The following DHRSX variants were observed in gnomAD, a reference collection of about 807,000 sequenced individuals.
DHRSX encodes polyprenol dehydrogenase.
In DHRSX, 31 loss-of-function variants were observed where a neutral mutation model predicts 34.0. The observed-to-expected ratio is 0.91, with a 90% confidence interval of 0.69 to 1.23. The LOEUF (loss-of-function observed/expected upper bound fraction) is 1.23, where lower values mean the gene tolerates loss of function less well. Ranked by LOEUF, DHRSX falls within the 50% of genes most tolerant of loss-of-function variation. The pLI, the probability that DHRSX is intolerant of heterozygous loss-of-function variation, is 0.00. For missense variants in DHRSX, 414 were observed against 428.1 expected (o/e 0.97, Z 0.29); for synonymous variants, 201 against 183.8 (o/e 1.09, Z -0.76).
At chrX:2,265,022 T>C (rs1212829423) in intron 5 of DHRSX, among the ~76,000 whole-genome samples, 1 of 150,594 alleles carries the variant, frequency 6.6e-6, no homozygotes, top group African/African-American at 2.4e-5. Context: ...GGGAGCACTG[T>C]CCCCAGAGCA....
intron 1 of DHRSX, among the ~76,000 whole-genome samples, chrX:2,465,667 G>C (rs2044481675): frequency 6.6e-6 from 1 of 151,678 alleles, no homozygotes; most frequent in South Asian, 2.1e-4. Flanking sequence ...GAAAAATCAG[G>C]GTGTAGGGGC....
intron 1 of DHRSX, among the ~76,000 whole-genome samples, chrX:2,467,065 C>G (rs1030608073): frequency 1.4e-3 from 91 of 63,998 alleles, no homozygotes; most frequent in African/African-American, 5.2e-3. Flanking sequence ...AAGTCCATCT[C>G]AAAAAAAAAA....
intron 3 of DHRSX, among the ~76,000 whole-genome samples, chrX:2,406,486 G>A (rs2043557244): frequency 6.6e-6 from 1 of 150,704 alleles, no homozygotes; most frequent in Non-Finnish European, 1.5e-5. Context: ...TGTCACCCAG[G>A]CTGGAGTGCA....
chrX:2,406,084 G>A (rs1316701993), intron 3 of DHRSX, among the ~76,000 whole-genome samples: 2 of 152,096 alleles, frequency 1.3e-5, no homozygotes, highest in Non-Finnish European at 1.5e-5. Flanking sequence ...ACGAGGTCAG[G>A]AGTTCGAGAC....
chrX:2,323,798 G>T (rs955994169), intron 3 of DHRSX, among the ~76,000 whole-genome samples: 1 of 151,044 alleles, frequency 6.6e-6, no homozygotes, highest in African/African-American at 2.4e-5. Context: ...TCACAGTAAT[G>T]AGAGGAATTT....
At position 2,454,117 on chromosome X, in the gene DHRSX, G is replaced by A. The variant is rs2317102; in HGVS notation, c.110-28813C>T. Among the ~76,000 whole-genome samples the A allele has an allele frequency of 8.3e-3, 1,260 of 152,130 alleles. 38 individuals are homozygous for A. Among genetic ancestry groups the A allele is most frequent in the East Asian group, 0.077 (401 of 5,184 alleles). ...AGAAAGCAAAACAAGTCCCAGTTTC[G>A]AGGACAGCTGTGATATATTTAACAG... is the stretch of plus-strand genomic sequence containing the variant. On this transcript the variant is annotated intron_variant, in intron 1 of 6. Transcript: ENST00000334651.
At chrX:2,414,664 C>A (rs756449238) in intron 2 of DHRSX, among the ~76,000 whole-genome samples, 1 of 152,180 alleles carries the variant, frequency 6.6e-6, no homozygotes, top group South Asian at 2.1e-4. Context: ...TAGGTCTCAT[C>A]ATGACCTAAT....
At chrX:2,246,765 A>G (rs1255103199) in intron 5 of DHRSX, among the ~76,000 whole-genome samples, 3 of 151,996 alleles carry the variant, frequency 2.0e-5, no homozygotes, top group Non-Finnish European at 4.4e-5. Context: ...AAAGAAAATA[A>G]AAGAATAGAA....
intron 3 of DHRSX, among the ~76,000 whole-genome samples, chrX:2,404,592 A>G: frequency 6.6e-6 from 1 of 152,192 alleles, no homozygotes; most frequent in East Asian, 1.9e-4. Context: ...CTCTAGCTAT[A>G]CAGCTACAAA....
chrX:2,484,246 G>A (rs1386808975), intron 1 of DHRSX, among the ~76,000 whole-genome samples: 2 of 152,148 alleles, frequency 1.3e-5, no homozygotes, highest in South Asian at 4.1e-4. Context: ...GTGCTGGGAT[G>A]ACAGATGTGA....
At chrX:2,500,788 A>T in intron 1 of DHRSX, 29 bp downstream of exon 1, 1 of 802,896 alleles carries the variant, frequency 1.2e-6, no homozygotes, top group Non-Finnish European at 1.5e-6. Context: ...GGGTCCCCGG[A>T]GCCCTGACCC....
rs12852245 is a variant in DHRSX at position 2,364,292 on chromosome X, C to T, written c.286+44453G>A. Among the ~76,000 whole-genome samples, 694 of 152,158 alleles carry T rather than the reference C, an allele frequency of 4.6e-3. 3 individuals are homozygous for T. Among genetic ancestry groups the T allele is most frequent in the Non-Finnish European group, 7.5e-3 (510 of 67,984 alleles). ...GAGGTATTTTTGGTTGTTATAACTGCGGTGGGGGGTATAGTGGGTACATCC... is the reference window on the plus strand; with the variant it reads ...GAGGTATTTTTGGTTGTTATAACTGTGGTGGGGGGTATAGTGGGTACATCC... On this transcript the variant is annotated intron_variant, in intron 3 of 6. Coordinates refer to ENST00000334651, the MANE Select transcript of DHRSX (RefSeq NM_145177.3).
intron 2 of DHRSX, among the ~76,000 whole-genome samples, chrX:2,411,141 T>A (rs1256200074): frequency 6.6e-6 from 1 of 152,150 alleles, no homozygotes; most frequent in Non-Finnish European, 1.5e-5. Context: ...AGGTAACCTT[T>A]ACACTGGGGA....
chrX:2,248,657 A>AGGAAAG (rs1556433678), intron 5 of DHRSX, among the ~76,000 whole-genome samples: 6 of 145,238 alleles, frequency 4.1e-5, no homozygotes, highest in Non-Finnish European at 9.0e-5. Context: ...AAGAAAGAAA[A>AGGAAAG]GAAAAGGAAA....
At chrX:2,392,844 T>G (rs2043351521) in intron 3 of DHRSX, among the ~76,000 whole-genome samples, 1 of 140,890 alleles carries the variant, frequency 7.1e-6, no homozygotes, top group Admixed American at 7.3e-5. Context: ...ATAGTTATCA[T>G]TATATATTTA....
At chrX:2,246,409 G>T (rs2016283295) in intron 5 of DHRSX, among the ~76,000 whole-genome samples, 1 of 151,998 alleles carries the variant, frequency 6.6e-6, no homozygotes, top group Non-Finnish European at 1.5e-5. Flanking sequence ...AGATCACCAG[G>T]TCATGAGTTT....
rs767925529 is a variant in DHRSX, at chrX:2,489,976, C to T, written c.109+10841G>A. On this transcript the variant is annotated intron_variant, in intron 1 of 6. Coordinates refer to ENST00000334651, the MANE Select transcript of DHRSX (RefSeq NM_145177.3). ...CGATGAAGACCTCATAGAGCACTCG[C>T]GTGATGGTCTCCGCCGTGTTCTCTT... The T allele has an allele frequency of 2.4e-5, 38 of 1,613,918 alleles. No individual in the cohort carries two copies. In the Middle Eastern group the frequency reaches 5.0e-4, roughly 21 times the overall value.
chrX:2,464,888 T>G lies in DHRSX; in HGVS notation c.109+35929A>C, dbSNP rs191950769. Among the ~76,000 whole-genome samples the G allele has an allele frequency of 5.3e-4, 79 of 150,234 alleles. 1 individual carries two copies. Among genetic ancestry groups the G allele is most frequent in the African/African-American group, 1.9e-3 (78 of 40,654 alleles). Reference sequence around the variant, plus strand: ...TCCCTAAGCATGTGGCGCAAGGGACTGATACCATGTGCACAATGAAGATGT... The same window carrying G: ...TCCCTAAGCATGTGGCGCAAGGGACGGATACCATGTGCACAATGAAGATGT... On this transcript the variant is annotated intron_variant, in intron 1 of 6. Transcript: ENST00000334651.
chrX:2,227,127 G>A (rs1426760513), intron 6 of DHRSX, among the ~76,000 whole-genome samples: 1 of 152,084 alleles, frequency 6.6e-6, no homozygotes, highest in Non-Finnish European at 1.5e-5. Context: ...ACCCACATCT[G>A]TACATGCCAG....
Sources: allele counts gnomAD v4.1 joint callset (sites outside exome capture counted in the v4.1 genomes callset), GRCh38; gene constraint gnomAD v4.1.1; transcripts MANE v1.5; gene names NCBI Gene and HGNC (gene_info 2026-07-23, HGNC 2026-07-21).